PDE1C: variants seen among roughly 807,000 people sequenced by gnomAD.
The protein encoded by PDE1C is dual specificity calcium/calmodulin-dependent 3',5'-cyclic nucleotide phosphodiesterase 1C.
PDE1C carries 62 observed loss-of-function variants against 93.1 expected under a neutral mutation model. That is an observed-to-expected ratio of 0.67 (90% CI 0.54 to 0.82). The LOEUF is 0.82. PDE1C is among the 40% of genes least tolerant of loss of function. The probability of loss-of-function intolerance (pLI) is 0.00; values close to 1 mark genes in which losing one functional copy is unlikely to be tolerated. For missense variants in PDE1C, 742 were observed against 884.6 expected (o/e 0.84, Z 2.04); for synonymous variants, 325 against 310.1 (o/e 1.05, Z -0.50).
At chr7:31,939,520 C>T (rs1262875342) in intron 2 of PDE1C, among the ~76,000 whole-genome samples, 1 of 151,760 alleles carries the variant, frequency 6.6e-6, no homozygotes, top group Non-Finnish European at 1.5e-5. Flanking sequence ...TCTTATGAGA[C>T]AAATAAGAAG....
chr7:31,756,589 A>ATAATAATAAT lies in PDE1C; in HGVS notation c.1961-3046_1961-3037dup, dbSNP rs531886306. 6.9e-3 allele frequency among the ~76,000 whole-genome samples: 1,056 copies of ATAATAATAAT among 152,212 alleles called. 18 individuals carry two copies. The highest frequency in any genetic ancestry group is 0.024 in the African/African-American group (1,008 of 41,526). On this transcript the variant is annotated intron_variant, in intron 17 of 17. Transcript: ENST00000396191. ...TTAAATAAAGTAGGAACTTCAGATA[A>ATAATAATAAT]TAATAATAATTAATAATAATAAGGA...
chr7:32,245,776 A>G (rs1808883587), intron 1 of PDE1C, among the ~76,000 whole-genome samples: 1 of 152,132 alleles, frequency 6.6e-6, no homozygotes, highest in South Asian at 2.1e-4. Context: ...TTTCTGGTTT[A>G]CAGACAGTGC....
intron 9 of PDE1C, among the ~76,000 whole-genome samples, chr7:31,844,683 C>A (rs1201406250): frequency 6.6e-6 from 1 of 151,856 alleles, no homozygotes. Flanking sequence ...ATATGTTTGG[C>A]AATATTTGGA....
chr7:32,284,642 C>G (rs575919234), intron 1 of PDE1C, among the ~76,000 whole-genome samples: 1 of 152,160 alleles, frequency 6.6e-6, no homozygotes. Context: ...AGAATGTTCC[C>G]AGAATTTCTC....
chr7:32,084,696 A>T (rs1329427806), intron 3 of PDE1C, among the ~76,000 whole-genome samples: 2 of 142,508 alleles, frequency 1.4e-5, no homozygotes, highest in African/African-American at 2.5e-5. Context: ...GGATTAAGAA[A>T]CTCACTCAAA....
chr7:31,749,885 G>A (rs973643596), downstream of PDE1C, among the ~76,000 whole-genome samples: 9 of 151,518 alleles, frequency 5.9e-5, no homozygotes, highest in Non-Finnish European at 1.2e-4. Flanking sequence ...CTACAGGCAC[G>A]TGCCACCACA....
chr7:32,071,198 A>C, upstream of PDE1C: 5 of 985,332 alleles, frequency 5.1e-6, no homozygotes, highest in Non-Finnish European at 6.0e-6. Context: ...GGCTTCCGGA[A>C]CCCTCACCTC....
intron 1 of PDE1C, among the ~76,000 whole-genome samples, chr7:32,269,620 C>T (rs1287243607): frequency 6.6e-6 from 1 of 152,138 alleles, no homozygotes; most frequent in Non-Finnish European, 1.5e-5. Flanking sequence ...GCTGGGACTA[C>T]AGGCACATGC....
At chr7:32,078,558 G>A (rs750532209) in intron 3 of PDE1C, among the ~76,000 whole-genome samples, 1 of 152,198 alleles carries the variant, frequency 6.6e-6, no homozygotes, top group South Asian at 2.1e-4. Flanking sequence ...TGTGATGGGT[G>A]TAAGAGGGTC....
intron 1 of PDE1C, among the ~76,000 whole-genome samples, chr7:32,273,835 A>G (rs1452435859): frequency 6.6e-6 from 1 of 152,248 alleles, no homozygotes; most frequent in Non-Finnish European, 1.5e-5. Context: ...TTTTAAATTT[A>G]AAAACACTGA....
the PDE1C span, among the ~76,000 whole-genome samples, chr7:31,617,527 G>A: frequency 6.6e-6 from 1 of 152,228 alleles, no homozygotes; most frequent in South Asian, 2.1e-4. Flanking sequence ...TTCATTGTGA[G>A]TGGAGATAAG....
intron 2 of PDE1C, among the ~76,000 whole-genome samples, chr7:31,976,197 T>A (rs1214149015): frequency 6.6e-6 from 1 of 152,198 alleles, no homozygotes. Context: ...CATGCTTCCA[T>A]AATAGATGAA....
At chr7:32,190,699 C>G (rs1258154684) in intron 2 of PDE1C, among the ~76,000 whole-genome samples, 2 of 152,110 alleles carry the variant, frequency 1.3e-5, no homozygotes, top group African/African-American at 2.4e-5. Context: ...GATACACTGA[C>G]TGGTGGGGCA....
chr7:32,225,022 T>TTAAAAA (rs947230750), intron 1 of PDE1C, among the ~76,000 whole-genome samples: 4 of 100,812 alleles, frequency 4.0e-5, no homozygotes, highest in Non-Finnish European at 7.5e-5. Flanking sequence ...CTTTCTTATT[T>TTAAAAA]AAAAAAAAAA....
intron 1 of PDE1C, among the ~76,000 whole-genome samples, chr7:32,069,821 G>A (rs1293930423): frequency 6.6e-6 from 1 of 152,148 alleles, no homozygotes; most frequent in Non-Finnish European, 1.5e-5. Context: ...GTTCGACTGG[G>A]CTAAGGAGAG....
At chr7:32,309,773 T>C (rs1157506344) in intron 1 of PDE1C, among the ~76,000 whole-genome samples, 2 of 152,130 alleles carry the variant, frequency 1.3e-5, no homozygotes, top group Non-Finnish European at 2.9e-5. Flanking sequence ...AAGGAAAAAC[T>C]GGTACCAACC....
At chr7:31,878,104 A>G in intron 4 of PDE1C, 68 bp from the exon 5 acceptor site, 2 of 1,059,044 alleles carry the variant, frequency 1.9e-6, no homozygotes, top group Non-Finnish European at 2.9e-6. Flanking sequence ...CCACAGACTC[A>G]TACCAAGTAT....
chr7:31,829,625 G>T (rs1422925002), intron 11 of PDE1C, among the ~76,000 whole-genome samples: 1 of 152,178 alleles, frequency 6.6e-6, no homozygotes, highest in East Asian at 1.9e-4. Context: ...TCAACAGTGG[G>T]GTCACAATGG....
At chr7:32,130,769 C>T (rs190809721) in intron 3 of PDE1C, among the ~76,000 whole-genome samples, 84 of 152,150 alleles carry the variant, frequency 5.5e-4, no homozygotes, top group East Asian at 5.8e-4. Context: ...TCACCATGCA[C>T]ATCATGTTGA....
Sources: allele counts gnomAD v4.1 joint callset (sites outside exome capture counted in the v4.1 genomes callset), GRCh38; gene constraint gnomAD v4.1.1; transcripts MANE v1.5; gene names NCBI Gene and HGNC (gene_info 2026-07-23, HGNC 2026-07-21).